CCDC77: variants seen among roughly 807,000 people sequenced by gnomAD.
CCDC77 encodes coiled-coil domain containing 77.
Under a neutral mutation model 66.8 loss-of-function variants are expected in CCDC77, and 56 were observed. The ratio of observed to expected loss-of-function variants is 0.84; its 90% CI spans 0.68 to 1.05. CCDC77 has a LOEUF of 1.05. Ranked by LOEUF, CCDC77 falls within the 50% of genes least tolerant of loss-of-function variation. CCDC77 has a pLI of 0.00. For missense variants in CCDC77, 570 were observed against 576.8 expected, an observed-to-expected ratio of 0.99 and a Z score of 0.12; for synonymous variants, 196 against 195.2, an observed-to-expected ratio of 1.00 and a Z score of -0.03.
chr12:436,479 C>T (rs1402707899), intron 9 of CCDC77, among the ~76,000 whole-genome samples: 1 of 152,098 alleles, frequency 6.6e-6, no homozygotes, highest in Non-Finnish European at 1.5e-5. Flanking sequence ...CCACCTCAGC[C>T]TCCCAAAGTG....
rs796198964 is a variant in CCDC77 at position 418,770 on chromosome 12, G to A, written c.413+134G>A. ...GCTGGAGTACAGTGGCGCTCTCTTG[G>A]CTCACTGCAGCCTCCACCTCCTGGT... On this transcript the variant is annotated intron_variant, in intron 5 of 12. Transcript: ENST00000239830. The A allele has an allele frequency of 4.1e-5, 36 of 884,954 alleles. No homozygotes were observed. In the African/African-American group the frequency reaches 6.0e-4, roughly 15 times the overall value. The allele number at this position is 884,954 out of a possible 1,614,324, so 54.8% of individuals were successfully genotyped here.
chr12:433,809 G>A (rs11062957), intron 9 of CCDC77, among the ~76,000 whole-genome samples: 8,641 of 152,018 alleles, frequency 0.057, 705 homozygotes, highest in African/African-American at 0.18. Context: ...GAACTCTGCC[G>A]GTGCTTTTAT....
At chr12:394,613 A>C (rs1591952483) in intron 1 of CCDC77, among the ~76,000 whole-genome samples, 1 of 152,226 alleles carries the variant, frequency 6.6e-6, no homozygotes, top group Non-Finnish European at 1.5e-5. Flanking sequence ...GTGGCATTCC[A>C]ATGACCTTCA....
chr12:415,995 T>G (rs1425586670), intron 4 of CCDC77, among the ~76,000 whole-genome samples: 1 of 151,700 alleles, frequency 6.6e-6, no homozygotes, highest in Non-Finnish European at 1.5e-5. Context: ...TAGTAGGGAC[T>G]GGATTTCACC....
Position 440,936 on chromosome 12 carries a change from T to G in CCDC77, c.1260T>G (p.Phe420Leu). ...GACGTATCCTGGAAGTAGAAGGCTTTAAGACAGATATTAAAGTTCTCCGAC... is the reference window on the plus strand; with the variant it reads ...GACGTATCCTGGAAGTAGAAGGCTTGAAGACAGATATTAAAGTTCTCCGAC... ...ERRRILEVEG[F>L]KTDIKVLRQK... The change falls in exon 12 of 13, where the codon TTT becomes TTG. Residue 420 changes from phenylalanine (F) to leucine (L), a missense_variant. Coordinates refer to ENST00000239830, the MANE Select transcript of CCDC77 (RefSeq NM_032358.4). The G allele has an allele frequency of 6.2e-7, 1 of 1,613,616 alleles. No individual in the cohort carries two copies. Among genetic ancestry groups the G allele is most frequent in the Non-Finnish European group, 8.5e-7 (1 of 1,180,024 alleles).
chr12:389,548 A>AGG lies in CCDC77; in HGVS notation c.-113+62_-113+63insGG, dbSNP rs1555141763. The stretch of plus-strand genomic sequence containing the variant: ...TAGAGGTACGGATTGAGGGAAGCCG[A>AGG]CGGGGCGAGGCGGGGCGAGGCGCAA... On this transcript the variant is annotated intron_variant, in intron 1 of 11. Transcript: ENST00000422000. 7.8e-3 allele frequency: 190 copies of AGG among 24,336 alleles called. 1 individual carries two copies. The highest frequency in any genetic ancestry group is 0.07 in the African/African-American group (185 of 2,646). The allele number at this position is 24,336 out of a possible 1,614,324, so 1.5% of individuals were successfully genotyped here.
chr12:427,630 A>G (rs1350311088), intron 5 of CCDC77, among the ~76,000 whole-genome samples: 3 of 151,878 alleles, frequency 2.0e-5, no homozygotes, highest in African/African-American at 7.3e-5. Flanking sequence ...GCACGCCACC[A>G]CGCCCAGATA....
At chr12:394,851 C>T (rs949921806) in intron 1 of CCDC77, among the ~76,000 whole-genome samples, 1 of 152,188 alleles carries the variant, frequency 6.6e-6, no homozygotes, top group African/African-American at 2.4e-5. Flanking sequence ...TATTCCACAT[C>T]TCTATGTGCC....
chr12:392,804 G>T (rs1382021797), intron 1 of CCDC77, among the ~76,000 whole-genome samples: 2 of 151,576 alleles, frequency 1.3e-5, no homozygotes, highest in South Asian at 4.2e-4. Flanking sequence ...AATACATATT[G>T]ATGTTTACTA....
intron 4 of CCDC77, among the ~76,000 whole-genome samples, chr12:416,329 CTGTGGGTGTGTGGGGGTG>C (rs1415317769): frequency 6.2e-5 from 2 of 32,204 alleles, no homozygotes; most frequent in African/African-American, 7.7e-5. Context: ...GTGTGTGAGT[CTGTGGGTGTGTGGGGGTG>C]TGTGTGTGTG....
At chr12:391,392 T>C (rs1944752729) in intron 1 of CCDC77, among the ~76,000 whole-genome samples, 1 of 151,992 alleles carries the variant, frequency 6.6e-6, no homozygotes, top group South Asian at 2.1e-4. Context: ...GAGGTGGAAG[T>C]TGTAGTAAGC....
exon 1 of CCDC77, chr12:389,361 G>A: frequency 1.6e-6 from 1 of 607,312 alleles, no homozygotes; most frequent in Admixed American, 2.6e-5. Flanking sequence ...TCCTTCCGCA[G>A]CTGCACGACG....
chr12:416,375 GTGTATATATATATATATATA>G lies in CCDC77; in HGVS notation c.271-2117_271-2098del, dbSNP rs1328457028. Among the ~76,000 whole-genome samples the G allele has an allele frequency of 4.9e-4, 10 of 20,590 alleles. No individual in the cohort carries two copies. The South Asian group carries it at 0.012, about 24-fold the overall frequency. 13.5% of individuals were successfully genotyped at this position (20,590 alleles called of 152,430 possible). On this transcript the variant is annotated intron_variant, in intron 4 of 12. Coordinates refer to ENST00000239830, the MANE Select transcript of CCDC77 (RefSeq NM_032358.4). ...TGTGTGTGTGTGTGTGTGTGTGTGT[GTGTATATATATATATATATA>G]TATATATATATATATATATATTTCT...
rs541682216 is a variant in CCDC77 at position 433,167 on chromosome 12, T to G, written c.673-7T>G. ...CTGGATTCCTCACCCCTTTTTGGCC[T>G]GTCTAGGTGGAAGCACTGCAGGCTC... On this transcript the variant is annotated splice_polypyrimidine_tract_variant and splice_region_variant and intron_variant, in intron 8 of 12. Coordinates refer to ENST00000239830, the MANE Select transcript of CCDC77 (RefSeq NM_032358.4). The G allele has an allele frequency of 6.2e-7, 1 of 1,605,716 alleles. No individual in the cohort carries two copies. Among genetic ancestry groups the G allele is most frequent in the African/African-American group, 1.3e-5 (1 of 74,432 alleles).
chr12:442,054 G>A lies in CCDC77; in HGVS notation c.*134G>A, dbSNP rs1030368478. 3.3e-6 allele frequency: 3 copies of A among 917,124 alleles called. No individual in the cohort carries two copies. The highest frequency in any genetic ancestry group is 1.7e-5 in the African/African-American group (1 of 60,534). 56.8% of individuals were successfully genotyped at this position (917,124 alleles called of 1,614,324 possible). On this transcript the variant is annotated 3_prime_UTR_variant, in exon 13 of 13. Coordinates refer to ENST00000239830, the MANE Select transcript of CCDC77 (RefSeq NM_032358.4). Reference sequence around the variant, plus strand: ...GTATTCATTATTGTAAAGACAGCTTGAAGAATCGGGGACCACTAGGAAAGC... The same window carrying A: ...GTATTCATTATTGTAAAGACAGCTTAAAGAATCGGGGACCACTAGGAAAGC...
chr12:407,502 G>A (rs1017839452), intron 2 of CCDC77, among the ~76,000 whole-genome samples: 1 of 152,130 alleles, frequency 6.6e-6, no homozygotes, highest in Non-Finnish European at 1.5e-5. Context: ...CTAGAGTGGA[G>A]GGCAGAGTAA....
At chr12:415,036 A>G (rs904009064) in intron 4 of CCDC77, among the ~76,000 whole-genome samples, 1 of 152,024 alleles carries the variant, frequency 6.6e-6, no homozygotes, top group Non-Finnish European at 1.5e-5. Flanking sequence ...AATGAATTAC[A>G]GGGTAATTCA....
intron 3 of CCDC77, chr12:409,638 T>G: frequency 1.8e-6 from 1 of 544,910 alleles, no homozygotes; most frequent in South Asian, 2.2e-5. Context: ...CACCTCAGCC[T>G]CCCAGAGTGC....
At chr12:416,419 C>A (rs71435007) in intron 4 of CCDC77, among the ~76,000 whole-genome samples, 56 of 55,102 alleles carry the variant, frequency 1.0e-3, no homozygotes, top group East Asian at 1.9e-3. Flanking sequence ...ATATATATTT[C>A]TTTTTTTTTT....
Sources: gnomAD v4.1 joint callset for allele counts (sites outside exome capture counted in the v4.1 genomes callset) on GRCh38, gnomAD v4.1.1 for gene constraint, MANE v1.5 for transcripts, NCBI Gene and HGNC (gene_info 2026-07-23, HGNC 2026-07-21) for gene names.